Variants in VWA5B1 observed in about 807,000 individuals in gnomAD.
The protein encoded by VWA5B1 is von Willebrand factor A domain containing 5B1, also known as von Willebrand factor A domain-containing protein 5B1.
VWA5B1 carries 115 observed loss-of-function variants against 118.2 expected under a neutral mutation model. The ratio of observed to expected loss-of-function variants is 0.97; its 90% CI spans 0.84 to 1.14. The LOEUF (loss-of-function observed/expected upper bound fraction) is 1.14, where lower values mean the gene tolerates loss of function less well. Among genes scored for constraint, VWA5B1 ranks in the 50% most tolerant of loss-of-function variants. VWA5B1 has a pLI of 0.00. For synonymous variants in VWA5B1, 682 were observed against 658.4 expected (o/e 1.04, Z -0.55); for missense variants, 1,596 against 1,603.8 (o/e 1.00, Z 0.08).
At chr1:20,347,108 T>C (rs1412717656) in intron 17 of VWA5B1, among the ~76,000 whole-genome samples, 1 of 152,170 alleles carries the variant, frequency 6.6e-6, no homozygotes, top group African/African-American at 2.4e-5. Context: ...AGATCAGCAC[T>C]TCCCCAAGTG....
At chr1:20,322,612 G>A (rs1165073275) in intron 7 of VWA5B1, among the ~76,000 whole-genome samples, 1 of 152,190 alleles carries the variant, frequency 6.6e-6, no homozygotes, top group African/African-American at 2.4e-5. Flanking sequence ...GGGAGGCAGA[G>A]ATCGGAGCAA....
At position 20,348,683 on chromosome 1, in the gene VWA5B1, A is replaced by G. The variant is rs80167630; in HGVS notation, c.2878+325A>G. 2.7e-4 allele frequency among the ~76,000 whole-genome samples: 41 copies of G among 152,330 alleles called. 2 individuals carry two copies. The East Asian group carries it at 6.9e-3, about 26-fold the overall frequency. On this transcript the variant is annotated intron_variant, in intron 18 of 21. Coordinates refer to ENST00000289815, the MANE Select transcript of VWA5B1 (RefSeq NM_001039500.3). ...CTGCCTCCAGCCTCTGAGTCCTCCC[A>G]GGCACCAACTGCCAGGAAACCTAAT...
intron 8 of VWA5B1, among the ~76,000 whole-genome samples, chr1:20,327,567 A>G (rs920910005): frequency 2.0e-5 from 3 of 152,024 alleles, no homozygotes; most frequent in African/African-American, 7.2e-5. Flanking sequence ...AAGAGGTTAA[A>G]TGGAACTGGA....
intron 7 of VWA5B1, chr1:20,323,120 G>C (rs536089592): frequency 2.8e-6 from 1 of 355,630 alleles, no homozygotes; most frequent in Non-Finnish European, 5.0e-6. Flanking sequence ...TCACACAGTC[G>C]GATGGTGACA....
At position 20,300,523 on chromosome 1, in the gene VWA5B1, G is replaced by A. The variant is rs193261051; in HGVS notation, c.-27+9435G>A. Among the ~76,000 whole-genome samples, 4 of 152,296 alleles carry A rather than the reference G, an allele frequency of 2.6e-5. No individual in the cohort carries two copies. In the East Asian group the frequency reaches 7.7e-4, roughly 29 times the overall value. On this transcript the variant is annotated intron_variant, in intron 1 of 21. Transcript: ENST00000289815. ...TATAGAGGGTGATGAATCTCTGAAG[G>A]TGGAGTCCAAATCCCACCACCAGCT...
chr1:20,296,770 C>T (rs1330157342), intron 1 of VWA5B1, among the ~76,000 whole-genome samples: 1 of 152,216 alleles, frequency 6.6e-6, no homozygotes, highest in Non-Finnish European at 1.5e-5. Context: ...ATCTTTTCTT[C>T]ATTCACCCTT....
intron 3 of VWA5B1, 99 bp from the exon 4 acceptor site, chr1:20,314,223 C>A: frequency 2.3e-6 from 3 of 1,286,274 alleles, no homozygotes; most frequent in Non-Finnish European, 3.2e-6. Flanking sequence ...CTTGATTTTC[C>A]CATCAGCAAA....
chr1:20,301,474 G>C (rs760723014), intron 1 of VWA5B1, among the ~76,000 whole-genome samples: 4 of 152,212 alleles, frequency 2.6e-5, no homozygotes, highest in Non-Finnish European at 5.9e-5. Flanking sequence ...GGAAAGGCAG[G>C]TTCCAGGGGC....
intron 19 of VWA5B1, 57 bp downstream of exon 19, chr1:20,350,287 G>C: frequency 6.5e-7 from 1 of 1,538,868 alleles, no homozygotes; most frequent in Non-Finnish European, 8.8e-7. Context: ...ATTGGTCCTG[G>C]GGTCAGGAGA....
At chr1:20,308,434 G>A (rs149542255) in intron 1 of VWA5B1, among the ~76,000 whole-genome samples, 1,715 of 152,256 alleles carry the variant, frequency 0.011, 17 homozygotes, top group Non-Finnish European at 0.019. Flanking sequence ...CTAAGGCTGC[G>A]TTCCCCAATC....
intron 12 of VWA5B1, among the ~76,000 whole-genome samples, chr1:20,333,574 C>G (rs754857460): frequency 1.6e-4 from 24 of 152,254 alleles, no homozygotes; most frequent in Non-Finnish European, 1.8e-4. Flanking sequence ...TACATAATTT[C>G]CCCTAAGTGA....
At chr1:20,317,850 A>T (rs1211271705) in intron 5 of VWA5B1, among the ~76,000 whole-genome samples, 175 bp downstream of exon 5, 1 of 151,942 alleles carries the variant, frequency 6.6e-6, no homozygotes, top group Non-Finnish European at 1.5e-5. Flanking sequence ...CCCAAAGATA[A>T]GTCCCTTCCC....
intron 4 of VWA5B1, among the ~76,000 whole-genome samples, chr1:20,314,987 T>C (rs1007928683): frequency 6.6e-6 from 1 of 152,176 alleles, no homozygotes; most frequent in Admixed American, 6.5e-5. Flanking sequence ...GGAAGACCAT[T>C]ATACAACGAT....
chr1:20,314,137 CTA>C (rs1049758327), intron 3 of VWA5B1, among the ~76,000 whole-genome samples, 183 bp from the exon 4 acceptor site: 1 of 152,066 alleles, frequency 6.6e-6, no homozygotes, highest in African/African-American at 2.4e-5. Flanking sequence ...GTTCACAGGC[CTA>C]GAGTCAGACG....
intron 2 of VWA5B1, 150 bp downstream of exon 2, chr1:20,310,890 C>A: frequency 8.4e-7 from 1 of 1,193,488 alleles, no homozygotes; most frequent in Non-Finnish European, 1.1e-6. Flanking sequence ...ATTCTTTCTG[C>A]TTTGCAGGCC....
rs1246336243 is a variant in VWA5B1 at position 20,355,455 on chromosome 1, G to A, written c.*1192G>A. ...CTCTTCCCCACTGACTCCCCTGGAG[G>A]TGGGTCTAGACCTCACCAAGGAACC... On this transcript the variant is annotated 3_prime_UTR_variant, in exon 22 of 22. Coordinates refer to ENST00000289815, the MANE Select transcript of VWA5B1 (RefSeq NM_001039500.3). 6.6e-6 allele frequency among the ~76,000 whole-genome samples: 1 copy of A among 152,184 alleles called. No homozygotes were observed. The highest frequency in any genetic ancestry group is 2.4e-5 in the African/African-American group (1 of 41,442).
chr1:20,319,601 G>A, intron 7 of VWA5B1, 95 bp downstream of exon 7: 2 of 1,492,524 alleles, frequency 1.3e-6, no homozygotes, highest in Non-Finnish European at 1.8e-6. Context: ...GAGGTAACCT[G>A]CCCGAGGTCA....
chr1:20,320,907 C>A (rs1242831357), intron 7 of VWA5B1, among the ~76,000 whole-genome samples: 1 of 152,080 alleles, frequency 6.6e-6, no homozygotes, highest in Non-Finnish European at 1.5e-5. Context: ...GGGCTGTGGC[C>A]TCTGGTGGAG....
intron 5 of VWA5B1, 26 bp from the exon 6 acceptor site, chr1:20,318,564 C>T: frequency 3.2e-6 from 5 of 1,550,946 alleles, no homozygotes; most frequent in Non-Finnish European, 4.4e-6. Context: ...GAGCCTATAT[C>T]CCCCTTGCCT....
Sources: allele counts gnomAD v4.1 joint callset (sites outside exome capture counted in the v4.1 genomes callset), GRCh38; gene constraint gnomAD v4.1.1; transcripts MANE v1.5; gene names NCBI Gene and HGNC (gene_info 2026-07-23, HGNC 2026-07-21).